CCDC191: variants seen among roughly 807,000 people sequenced by gnomAD.
The protein encoded by CCDC191 is coiled-coil domain-containing protein 191.
In CCDC191, 99 loss-of-function variants were observed where a neutral mutation model predicts 114.0. That is an observed-to-expected ratio of 0.87 (90% CI 0.74 to 1.03). CCDC191 has a LOEUF of 1.03. Ranked by LOEUF, CCDC191 falls within the 50% of genes least tolerant of loss-of-function variation. The probability of loss-of-function intolerance (pLI) is 0.00; values close to 1 mark genes in which losing one functional copy is unlikely to be tolerated. For missense variants in CCDC191, 973 were observed against 1,087.0 expected, an observed-to-expected ratio of 0.90 and a Z score of 1.47; for synonymous variants, 351 against 376.0, an observed-to-expected ratio of 0.93 and a Z score of 0.77.
At chr3:113,978,405 CA>C in intron 15 of CCDC191, 74 bp from the exon 16 acceptor site, 1 of 1,442,978 alleles carries the variant, frequency 6.9e-7, no homozygotes, top group African/African-American at 1.4e-5. Flanking sequence ...ATAAACAGCA[CA>C]AAAGACAGAA....
At chr3:113,995,812 G>A (rs1005894326) in intron 13 of CCDC191, among the ~76,000 whole-genome samples, 3 of 152,062 alleles carry the variant, frequency 2.0e-5, no homozygotes, top group Admixed American at 6.6e-5. Context: ...TTTACTAATC[G>A]CTATTCTGAC....
At chr3:114,023,387 T>C (rs993725425) in intron 7 of CCDC191, among the ~76,000 whole-genome samples, 2 of 152,138 alleles carry the variant, frequency 1.3e-5, no homozygotes, top group African/African-American at 2.4e-5. Flanking sequence ...AAAAAGAGCC[T>C]GCATTGCCAA....
chr3:114,003,639 T>A, intron 11 of CCDC191: 1 of 985,184 alleles, frequency 1.0e-6, no homozygotes, highest in South Asian at 4.7e-5. Context: ...AAAAAAATAA[T>A]CATACTTAAC....
At chr3:114,048,000 TTTTA>T (rs1284024653) in intron 2 of CCDC191, among the ~76,000 whole-genome samples, 1 of 152,080 alleles carries the variant, frequency 6.6e-6, no homozygotes, top group Non-Finnish European at 1.5e-5. Flanking sequence ...TTAAAACTTA[TTTTA>T]TAACTTAACC....
intron 13 of CCDC191, among the ~76,000 whole-genome samples, chr3:113,994,353 C>T (rs947863017): frequency 6.6e-6 from 1 of 152,114 alleles, no homozygotes; most frequent in African/African-American, 2.4e-5. Context: ...TTACTACACA[C>T]CTATTAGAAC....
rs1294648499 is a variant in CCDC191 at position 114,036,774 on chromosome 3, T to G, written c.428A>C (p.Tyr143Ser). 1.3e-6 allele frequency: 2 copies of G among 1,551,070 alleles called. No individual in the cohort carries two copies. The change falls in exon 5 of 17, where the codon TAT (tyrosine) becomes TCT (serine). Residue 143 changes from tyrosine (Y) to serine (S), a missense_variant. Physicochemically the swap from Tyr to Ser is moderately radical, Grantham distance 144. Coordinates refer to ENST00000295878, the MANE Select transcript of CCDC191 (RefSeq NM_020817.2). ...KYDKFDDLCGYLEEEEESTTV... is the reference protein window; with the variant it reads ...KYDKFDDLCGSLEEEEESTTV... The stretch of plus-strand genomic sequence containing the variant: ...GGTACTTTCCTCTTCTTCCTCCAAA[T>G]AGCCACATAAATCTGGGGGAAACAG...
Position 114,034,456 on chromosome 3 carries a change from C to T in CCDC191, c.818+469G>A, listed in dbSNP as rs1249520576. Among the ~76,000 whole-genome samples the T allele has an allele frequency of 6.6e-5, 10 of 152,140 alleles. No individual in the cohort carries two copies. In the South Asian group the frequency reaches 1.9e-3, roughly 28 times the overall value. ...CAATGTTTCAAGAGTCAGAAAAAGA[C>T]CTGTGTCATTTAACTCAGAAATTAT... is the stretch of plus-strand genomic sequence containing the variant. On this transcript the variant is annotated intron_variant, in intron 6 of 16. Coordinates refer to ENST00000295878, the MANE Select transcript of CCDC191 (RefSeq NM_020817.2).
At chr3:114,013,972 T>A (rs943717648) in intron 8 of CCDC191, among the ~76,000 whole-genome samples, 1 of 152,196 alleles carries the variant, frequency 6.6e-6, no homozygotes, top group African/African-American at 2.4e-5. Context: ...TCTAATTCAA[T>A]TTAAAACAAC....
chr3:114,001,864 GTAACT>G (rs2075862885), intron 12 of CCDC191, 168 bp from the exon 13 acceptor site: 2 of 742,598 alleles, frequency 2.7e-6, no homozygotes, highest in African/African-American at 1.8e-5. Context: ...CATCAGTTAC[GTAACT>G]TAAAAGTTTC....
At chr3:113,969,330 T>C (rs539987724) in intron 16 of CCDC191, among the ~76,000 whole-genome samples, 1 of 152,354 alleles carries the variant, frequency 6.6e-6, no homozygotes, top group African/African-American at 2.4e-5. Flanking sequence ...TTTCCTTTGC[T>C]GTGCAGAAAC....
At chr3:113,974,501 G>C (rs779102136) in intron 16 of CCDC191, among the ~76,000 whole-genome samples, 16 of 151,996 alleles carry the variant, frequency 1.1e-4, no homozygotes, top group Admixed American at 1.0e-3. Flanking sequence ...TGTATTTTTA[G>C]TAGAGAGGGG....
intron 4 of CCDC191, among the ~76,000 whole-genome samples, chr3:114,040,269 C>A (rs1289929218): frequency 6.6e-6 from 1 of 152,186 alleles, no homozygotes; most frequent in African/African-American, 2.4e-5. Flanking sequence ...TGTAAGTACA[C>A]TCTATAATGT....
rs906444092 is a variant in CCDC191, at chr3:113,978,858, C to T, written c.2460G>A (p.Gln820=). ...AAGGTACCCTTCCCTATGTCCTTAC[C>T]TGTAGCCAGCTCTGGATGACTCTCT... The part of the protein sequence containing the change: ...LLKRVIQSWL[Q]YVIDLQEEVR... Residue 820 remains glutamine (Q), a splice_region_variant and synonymous_variant, in exon 15 of 17, where the codon CAG becomes CAA. Coordinates refer to ENST00000295878, the MANE Select transcript of CCDC191 (RefSeq NM_020817.2). 2 of 1,613,604 alleles carry T rather than the reference C, an allele frequency of 1.2e-6. No homozygotes were observed. The highest frequency in any genetic ancestry group is 1.1e-5 in the South Asian group (1 of 91,050).
At position 114,005,590 on chromosome 3, in the gene CCDC191, C is replaced by A. The variant is rs372934728; in HGVS notation, c.1786G>T (p.Ala596Ser). 2.1e-5 allele frequency: 34 copies of A among 1,614,040 alleles called. No individual in the cohort carries two copies. The highest frequency in any genetic ancestry group is 2.0e-4 in the African/African-American group (15 of 74,938). The change falls in exon 10 of 17, where the codon GCC becomes TCC. Residue 596 changes from alanine (A) to serine (S), a missense_variant. Coordinates refer to ENST00000295878, the MANE Select transcript of CCDC191 (RefSeq NM_020817.2). ...LAEAQWAAEHALAVTEAQSHL... is the reference protein window; with the variant it reads ...LAEAQWAAEHSLAVTEAQSHL... ...CTCTGTGCTTCTGTGACTGCTAAGGCATGCTCTGCTGCCCACTGAGCCTCT... is the reference window on the plus strand; with the variant it reads ...CTCTGTGCTTCTGTGACTGCTAAGGAATGCTCTGCTGCCCACTGAGCCTCT...
intron 8 of CCDC191, among the ~76,000 whole-genome samples, chr3:114,015,656 A>G (rs914538062): frequency 2.6e-5 from 4 of 152,246 alleles, no homozygotes; most frequent in Admixed American, 6.5e-5. Context: ...CAATACCACC[A>G]TGTCAAATGG....
intron 11 of CCDC191, chr3:114,003,043 A>T: frequency 1.0e-6 from 1 of 985,390 alleles, no homozygotes; most frequent in Non-Finnish European, 1.2e-6. Context: ...CACGATGAAT[A>T]TATTTGAATC....
At chr3:113,977,811 G>A (rs114220977) in intron 16 of CCDC191, among the ~76,000 whole-genome samples, 2,442 of 152,242 alleles carry the variant, frequency 0.016, 66 homozygotes, top group African/African-American at 0.057. Flanking sequence ...TTCTATATTT[G>A]TCGTACATTT....
chr3:113,986,337 A>G (rs952818611), intron 13 of CCDC191, among the ~76,000 whole-genome samples: 1 of 152,226 alleles, frequency 6.6e-6, no homozygotes, highest in African/African-American at 2.4e-5. Flanking sequence ...GGATAATATG[A>G]AACAATGTAA....
At position 113,982,698 on chromosome 3, in the gene CCDC191, T is replaced by C. The variant is rs1004013773; in HGVS notation, c.2164-1905A>G. On this transcript the variant is annotated intron_variant, in intron 13 of 16. Coordinates refer to ENST00000295878, the MANE Select transcript of CCDC191 (RefSeq NM_020817.2). ...AAAACTCTTGGCCTTCTGTCCCTTG[T>C]ACGCTACTCTCCCTTTGTGCTCTAG... Among the ~76,000 whole-genome samples, 87 of 152,184 alleles carry C rather than the reference T, an allele frequency of 5.7e-4. 1 individual carries two copies. Among genetic ancestry groups the C allele is most frequent in the African/African-American group, 2.0e-3 (84 of 41,548 alleles).
Sources: allele counts gnomAD v4.1 joint callset (sites outside exome capture counted in the v4.1 genomes callset), GRCh38; gene constraint gnomAD v4.1.1; transcripts MANE v1.5; gene names NCBI Gene and HGNC (gene_info 2026-07-23, HGNC 2026-07-21).